C12orf42: variants seen among roughly 807,000 people sequenced by gnomAD.
The protein encoded by C12orf42 is chromosome 12 open reading frame 42, also known as uncharacterized protein C12orf42.
A neutral mutation model predicts 21.6 loss-of-function variants in C12orf42; 25 were observed. The observed-to-expected ratio is 1.16, with a 90% CI of 0.84 to 1.62. The LOEUF is 1.62. Ranked by LOEUF, C12orf42 falls within the 40% of genes most tolerant of loss-of-function variation. C12orf42 has a pLI of 0.00. For missense variants in C12orf42, 483 were observed against 459.3 expected (o/e 1.05, Z -0.47); for synonymous variants, 174 against 175.0 (o/e 0.99, Z 0.05).
chr12:103,162,506 G>GGTGTGT, the C12orf42 span, among the ~76,000 whole-genome samples: 811 of 147,626 alleles, frequency 5.5e-3, 8 homozygotes, highest in South Asian at 0.029. Flanking sequence ...CCAACAAGCT[G>GGTGTGT]GTGTGTGTGT....
chr12:103,302,539 T>C lies in C12orf42; in HGVS notation c.652A>G (p.Thr218Ala). The change falls in exon 6 of 6, where the codon ACT becomes GCT. Residue 218 changes from threonine (T) to alanine (A), a missense_variant. Physicochemically the swap from Thr to Ala is moderately conservative, Grantham distance 58. Transcript: ENST00000548883. ...KNSGSAARPSTAIGLCRRSQT... is the reference protein window; with the variant it reads ...KNSGSAARPSAAIGLCRRSQT... ...CTCCTCCTGCAGAGGCCGATGGCAG[T>C]GGAAGGTCTGGCGGCAGAACCTGGA... The C allele has an allele frequency of 6.2e-7, 1 of 1,608,322 alleles. No homozygotes were observed. Among genetic ancestry groups the C allele is most frequent in the Non-Finnish European group, 8.5e-7 (1 of 1,177,502 alleles).
chr12:103,507,992 C>T, the C12orf42 span, among the ~76,000 whole-genome samples: 2 of 152,146 alleles, frequency 1.3e-5, no homozygotes, highest in Non-Finnish European at 2.9e-5. Context: ...GCATTGGATG[C>T]AGGGGAATCT....
At chr12:103,248,486 A>C (rs966240891) in intron 10 of C12orf42, among the ~76,000 whole-genome samples, 1 of 152,114 alleles carries the variant, frequency 6.6e-6, no homozygotes, top group Non-Finnish European at 1.5e-5. Flanking sequence ...TTCTATGTGA[A>C]GAAAACGTTT....
the C12orf42 span, among the ~76,000 whole-genome samples, chr12:103,109,871 T>G: frequency 2.6e-5 from 4 of 152,072 alleles, no homozygotes; most frequent in South Asian, 6.2e-4. Context: ...TCCCACTCAA[T>G]GTCCACAATG....
upstream of C12orf42, among the ~76,000 whole-genome samples, chr12:103,498,034 C>CA (rs371302297): frequency 2.4e-3 from 322 of 133,236 alleles, 1 homozygote; most frequent in African/African-American, 6.7e-3. Context: ...GACTCCATCT[C>CA]AAAAAAAAAA....
the C12orf42 span, among the ~76,000 whole-genome samples, chr12:103,101,349 T>A: frequency 3.3e-5 from 5 of 152,226 alleles, no homozygotes; most frequent in African/African-American, 1.2e-4. Context: ...ACACCTCAGA[T>A]AAGCTCAAGA....
chr12:103,556,934 G>GAA, the C12orf42 span, among the ~76,000 whole-genome samples: 1,015 of 122,656 alleles, frequency 8.3e-3, 5 homozygotes, highest in Middle Eastern at 0.017. Context: ...TAGTTATGCA[G>GAA]AAAAAAAAAA....
chr12:103,098,182 G>A, the C12orf42 span, among the ~76,000 whole-genome samples: 2 of 152,190 alleles, frequency 1.3e-5, no homozygotes, highest in African/African-American at 4.8e-5. Flanking sequence ...GCCTCAGAAT[G>A]GAAACCAATG....
chr12:103,173,001 C>T, the C12orf42 span, among the ~76,000 whole-genome samples: 1 of 152,038 alleles, frequency 6.6e-6, no homozygotes, highest in African/African-American at 2.4e-5. Flanking sequence ...AGTGTGTGTC[C>T]ACTTCTCTCC....
the C12orf42 span, among the ~76,000 whole-genome samples, chr12:103,521,804 C>T: frequency 2.6e-5 from 4 of 152,176 alleles, no homozygotes; most frequent in African/African-American, 9.7e-5. Flanking sequence ...TAAACATTTT[C>T]CCCTCTCCCA....
At chr12:103,505,364 G>T in the C12orf42 span, 1 of 302,728 alleles carries the variant, frequency 3.3e-6, no homozygotes. Context: ...ATAAGGGAGA[G>T]GAAAATAAGA....
At chr12:103,164,820 A>G in the C12orf42 span, 1 of 420,424 alleles carries the variant, frequency 2.4e-6, no homozygotes, top group Non-Finnish European at 4.8e-6. Flanking sequence ...GAGAGACAAG[A>G]TAAATTGGCA....
intron 1 of C12orf42, among the ~76,000 whole-genome samples, chr12:103,486,354 G>T (rs1264343815): frequency 1.3e-5 from 2 of 152,120 alleles, no homozygotes; most frequent in Admixed American, 6.5e-5. Flanking sequence ...GCTTTTCGGT[G>T]TGCTGCTGGA....
At chr12:103,158,282 C>T in the C12orf42 span, among the ~76,000 whole-genome samples, 1 of 152,098 alleles carries the variant, frequency 6.6e-6, no homozygotes, top group Non-Finnish European at 1.5e-5. Context: ...GTTTCATTCC[C>T]AAACCTGTTC....
chr12:103,483,716 GGTTT>G (rs571094741), intron 1 of C12orf42, among the ~76,000 whole-genome samples: 85 of 151,912 alleles, frequency 5.6e-4, no homozygotes, highest in African/African-American at 1.9e-3. Context: ...ACAACATGCA[GGTTT>G]GTTAGATAGG....
chr12:103,516,321 C>T, the C12orf42 span, among the ~76,000 whole-genome samples: 1 of 152,118 alleles, frequency 6.6e-6, no homozygotes, highest in East Asian at 1.9e-4. Flanking sequence ...AACAAAGATT[C>T]CATATACAAA....
chr12:103,221,647 C>T, the C12orf42 span, among the ~76,000 whole-genome samples: 1 of 152,192 alleles, frequency 6.6e-6, no homozygotes, highest in South Asian at 2.1e-4. Context: ...TTTTAAGCAT[C>T]ATGATACAGA....
At chr12:103,282,958 T>C (rs1286745991) in intron 4 of C12orf42, among the ~76,000 whole-genome samples, 2 of 152,088 alleles carry the variant, frequency 1.3e-5, no homozygotes, top group African/African-American at 2.4e-5. Context: ...AATTATTCCA[T>C]AGAAACTACT....
chr12:103,189,612 A>G, the C12orf42 span, among the ~76,000 whole-genome samples: 1 of 152,160 alleles, frequency 6.6e-6, no homozygotes, highest in African/African-American at 2.4e-5. Context: ...TGAGAGAGAC[A>G]TCTTCCTCCT....
Sources: allele counts gnomAD v4.1 joint callset (sites outside exome capture counted in the v4.1 genomes callset), GRCh38; gene constraint gnomAD v4.1.1; transcripts MANE v1.5; gene names NCBI Gene and HGNC (gene_info 2026-07-23, HGNC 2026-07-21).